STIMATE: variants seen among roughly 807,000 people sequenced by gnomAD.
STIMATE encodes store-operated calcium entry regulator STIMATE.
Under a neutral mutation model 36.7 loss-of-function variants are expected in STIMATE, and 15 were observed. The observed-to-expected ratio is 0.41, with a 90% CI of 0.27 to 0.63. STIMATE has a LOEUF of 0.63. Ranked by LOEUF, STIMATE falls within the 20% of genes least tolerant of loss-of-function variation. The pLI, the probability that STIMATE is intolerant of heterozygous loss-of-function variation, is 0.32. For synonymous variants in STIMATE, 163 were observed against 162.3 expected, an observed-to-expected ratio of 1.00 and a Z score of -0.03; for missense variants, 305 against 397.3, an observed-to-expected ratio of 0.77 and a Z score of 1.98.
At chr3:52,840,869 T>G (rs1296635252) in intron 7 of STIMATE, among the ~76,000 whole-genome samples, 1 of 152,044 alleles carries the variant, frequency 6.6e-6, no homozygotes, top group East Asian at 1.9e-4. Flanking sequence ...GGTTCGTTGT[T>G]TTTTTTTGCT....
chr3:52,851,076 A>T (rs1267960338), intron 3 of STIMATE, among the ~76,000 whole-genome samples: 1 of 152,252 alleles, frequency 6.6e-6, no homozygotes, highest in Non-Finnish European at 1.5e-5. Flanking sequence ...AGGCAAGATA[A>T]CTGGGGGAGT....
chr3:52,843,572 T>C, intron 6 of STIMATE, 149 bp downstream of exon 6: 1 of 1,225,082 alleles, frequency 8.2e-7, no homozygotes, highest in South Asian at 1.4e-5. Context: ...AATCCTGCCA[T>C]TTCCAGGTCT....
At chr3:52,858,741 G>C (rs957391186) in intron 1 of STIMATE, among the ~76,000 whole-genome samples, 5 of 152,234 alleles carry the variant, frequency 3.3e-5, no homozygotes, top group Non-Finnish European at 7.3e-5. Context: ...TATTGCAGGT[G>C]TGTCAGGATG....
chr3:52,873,840 TCA>T (rs1348427314), intron 1 of STIMATE, among the ~76,000 whole-genome samples: 1 of 152,158 alleles, frequency 6.6e-6, no homozygotes, highest in Admixed American at 6.5e-5. Flanking sequence ...GCTGGGGAAC[TCA>T]CAGAGAAATG....
At chr3:52,892,117 T>A (rs944931158) in intron 1 of STIMATE, among the ~76,000 whole-genome samples, 5 of 152,230 alleles carry the variant, frequency 3.3e-5, no homozygotes, top group African/African-American at 1.2e-4. Flanking sequence ...ATCTTCATGT[T>A]TGTGCAAATA....
chr3:52,840,606 A>C lies in STIMATE; in HGVS notation c.773T>G (p.Leu258Arg). 1 of 1,612,814 alleles carries C rather than the reference A, an allele frequency of 6.2e-7. No individual in the cohort carries two copies. The highest frequency in any genetic ancestry group is 8.5e-7 in the Non-Finnish European group (1 of 1,179,430). Residue 258 changes from leucine to arginine, a missense_variant, in exon 8 of 8, where the codon CTG becomes CGG. This residue lies in a region of STIMATE where 84 missense variants were observed against 82.4 expected (regional missense o/e 1.02). Transcript: ENST00000355083. ...CTCCATCTCATCATCCGCTGAGATC[A>C]GGATCTGAGGCAGTAGAGAGGCAGG... Reference protein sequence around the residue: ...ASHEESESEILISADDEMEES... With the variant: ...ASHEESESEIRISADDEMEES...
intron 1 of STIMATE, among the ~76,000 whole-genome samples, chr3:52,893,619 A>AT (rs918772490): frequency 1.1e-4 from 16 of 152,316 alleles, no homozygotes; most frequent in African/African-American, 3.8e-4. Context: ...AGAAACTCTC[A>AT]TTTAAGATAT....
At chr3:52,879,373 T>TA (rs1189305476) in intron 1 of STIMATE, among the ~76,000 whole-genome samples, 1 of 152,156 alleles carries the variant, frequency 6.6e-6, no homozygotes, top group Non-Finnish European at 1.5e-5. Flanking sequence ...AAAATACCTG[T>TA]AGCCCTACTT....
intron 1 of STIMATE, among the ~76,000 whole-genome samples, chr3:52,864,422 TAGCAC>T (rs924949780): frequency 6.6e-6 from 1 of 152,104 alleles, no homozygotes; most frequent in African/African-American, 2.4e-5. Flanking sequence ...AGGCTGCATA[TAGCAC>T]AGGGACCTGA....
At chr3:52,862,165 C>A (rs2106687683) in intron 1 of STIMATE, among the ~76,000 whole-genome samples, 1 of 152,288 alleles carries the variant, frequency 6.6e-6, no homozygotes, top group South Asian at 2.1e-4. Flanking sequence ...CACCCTGGGG[C>A]TCCTTACTCT....
intron 4 of STIMATE, among the ~76,000 whole-genome samples, chr3:52,849,112 G>A (rs1004632752): frequency 3.3e-5 from 5 of 152,292 alleles, no homozygotes; most frequent in Admixed American, 1.3e-4. Context: ...AATTCCATCC[G>A]CTCTCCCTCC....
At chr3:52,842,055 A>G (rs1415893449) in intron 7 of STIMATE, among the ~76,000 whole-genome samples, 1 of 152,288 alleles carries the variant, frequency 6.6e-6, no homozygotes, top group Non-Finnish European at 1.5e-5. Flanking sequence ...CTATGCCTCA[A>G]TCTTAGAACA....
At chr3:52,865,794 CTG>C (rs1417800310) in intron 1 of STIMATE, among the ~76,000 whole-genome samples, 1 of 152,224 alleles carries the variant, frequency 6.6e-6, no homozygotes, top group African/African-American at 2.4e-5. Flanking sequence ...CCCAGTCCCT[CTG>C]TTTCCCTTCT....
At chr3:52,860,819 G>A (rs1464217500) in intron 1 of STIMATE, among the ~76,000 whole-genome samples, 1 of 152,212 alleles carries the variant, frequency 6.6e-6, no homozygotes, top group African/African-American at 2.4e-5. Context: ...TGACTCGGGA[G>A]GTGGGAGTTT....
chr3:52,848,244 G>C (rs1370505321), intron 4 of STIMATE: 6 of 152,284 alleles, frequency 3.9e-5, no homozygotes, highest in Admixed American at 2.6e-4. Context: ...AGCTTTATTT[G>C]GAGACATTCT....
chr3:52,895,474 C>T (rs1400996902), intron 1 of STIMATE, among the ~76,000 whole-genome samples: 2 of 152,210 alleles, frequency 1.3e-5, no homozygotes, highest in East Asian at 1.9e-4. Flanking sequence ...GCTCCGTCCA[C>T]GTCAAGCCTC....
intron 4 of STIMATE, among the ~76,000 whole-genome samples, chr3:52,846,748 G>A (rs1445145945): frequency 1.3e-5 from 2 of 152,168 alleles, no homozygotes; most frequent in Non-Finnish European, 2.9e-5. Context: ...TTTCCTCTGG[G>A]AACCCAGATC....
chr3:52,897,543 A>C lies in STIMATE; in HGVS notation c.-93T>G. On this transcript the variant is annotated 5_prime_UTR_variant, in exon 1 of 8. Transcript: ENST00000355083. ...CCGCCAAACCCGCAGCCGGGATCCC[A>C]AGCCTGAGCCGGTACCTCCGCCCGG... 8.5e-7 allele frequency: 1 copy of C among 1,173,868 alleles called. No homozygotes were observed. Among genetic ancestry groups the C allele is most frequent in the Non-Finnish European group, 1.1e-6 (1 of 951,036 alleles). The allele number at this position is 1,173,868 out of a possible 1,614,324, so 72.7% of individuals were successfully genotyped here.
At chr3:52,886,549 T>C (rs150188959) in intron 1 of STIMATE, among the ~76,000 whole-genome samples, 4 of 152,162 alleles carry the variant, frequency 2.6e-5, no homozygotes, top group African/African-American at 7.2e-5. Flanking sequence ...ACTCTACACA[T>C]GTGACTCAGT....
Sources: gnomAD v4.1 joint callset for allele counts (sites outside exome capture counted in the v4.1 genomes callset) on GRCh38, gnomAD v4.1.1 for gene constraint, gnomAD v4.1.1 regional missense constraint, MANE v1.5 for transcripts, NCBI Gene and HGNC (gene_info 2026-07-23, HGNC 2026-07-21) for gene names.